Variants in NEO1 observed in about 807,000 individuals in gnomAD.
NEO1 encodes neogenin 1.
Under a neutral mutation model 159.7 loss-of-function variants are expected in NEO1, and 63 were observed. That is an observed-to-expected ratio of 0.39 (90% CI 0.32 to 0.49). The LOEUF (loss-of-function observed/expected upper bound fraction) is 0.49, where lower values mean the gene tolerates loss of function less well. Among genes scored for constraint, NEO1 ranks in the 20% least tolerant of loss-of-function variants. NEO1 has a pLI of 0.85. For synonymous variants in NEO1, 633 were observed against 662.0 expected (o/e 0.96, Z 0.67); for missense variants, 1,615 against 1,831.0 (o/e 0.88, Z 2.15).
chr15:73,296,631 A>G (rs1183847554), intron 26 of NEO1, among the ~76,000 whole-genome samples: 3 of 152,160 alleles, frequency 2.0e-5, no homozygotes, highest in Non-Finnish European at 4.4e-5. Flanking sequence ...CATGCTTTAC[A>G]GTATCCCCAT....
intron 7 of NEO1, among the ~76,000 whole-genome samples, chr15:73,190,190 T>G (rs1487375920): frequency 6.6e-6 from 1 of 152,078 alleles, no homozygotes; most frequent in Non-Finnish European, 1.5e-5. Context: ...TGTCTGTATC[T>G]TTTGTCCATT....
At chr15:73,265,390 A>G (rs2040838294) in intron 15 of NEO1, among the ~76,000 whole-genome samples, 1 of 152,314 alleles carries the variant, frequency 6.6e-6, no homozygotes, top group African/African-American at 2.4e-5. Flanking sequence ...CAAACAGACA[A>G]TTGAACATAA....
intron 26 of NEO1, among the ~76,000 whole-genome samples, chr15:73,294,837 G>T (rs1283928372): frequency 6.6e-6 from 1 of 151,878 alleles, no homozygotes; most frequent in Non-Finnish European, 1.5e-5. Context: ...ACCGCGCCCG[G>T]TCCCCATTCT....
intron 5 of NEO1, among the ~76,000 whole-genome samples, chr15:73,167,018 C>T (rs1019023637): frequency 3.3e-5 from 5 of 150,814 alleles, no homozygotes; most frequent in Admixed American, 2.0e-4. Context: ...AGCAAACTAT[C>T]GCAAGGACAA....
At chr15:73,067,806 C>T (rs1274890467) in intron 1 of NEO1, among the ~76,000 whole-genome samples, 7 of 151,844 alleles carry the variant, frequency 4.6e-5, no homozygotes, top group South Asian at 2.1e-4. Context: ...TTAGTAGAGA[C>T]GGGGTTTCAC....
chr15:73,301,637 C>A, intron 28 of NEO1, 180 bp downstream of exon 28: 2 of 795,516 alleles, frequency 2.5e-6, no homozygotes, highest in East Asian at 2.7e-5. Context: ...GGGAACTGTG[C>A]TGAGGACTTG....
chr15:73,142,938 A>G (rs2032543190), intron 5 of NEO1, among the ~76,000 whole-genome samples: 1 of 152,240 alleles, frequency 6.6e-6, no homozygotes, highest in African/African-American at 2.4e-5. Flanking sequence ...TGGAAACTAG[A>G]TCGAAAAGAC....
At chr15:73,176,761 G>C (rs554676236) in intron 6 of NEO1, among the ~76,000 whole-genome samples, 5 of 152,268 alleles carry the variant, frequency 3.3e-5, no homozygotes, top group Non-Finnish European at 7.4e-5. Flanking sequence ...AGATCACATA[G>C]CAAGTCAGTG....
At position 73,282,944 on chromosome 15, in the gene NEO1, T is replaced by G; in HGVS notation, c.3263-20T>G. ...TTAAATTCTCTAACCCTAACACATG[T>G]ACCATTTCTCTCTCTGCAGGCAGTA... On this transcript the variant is annotated intron_variant, in intron 22 of 28. Coordinates refer to ENST00000261908, the MANE Select transcript of NEO1 (RefSeq NM_002499.4). 6.2e-7 allele frequency: 1 copy of G among 1,612,114 alleles called. No individual in the cohort carries two copies. Among genetic ancestry groups the G allele is most frequent in the South Asian group, 1.1e-5 (1 of 90,650 alleles).
chr15:73,147,654 T>C (rs1157658043), intron 5 of NEO1, among the ~76,000 whole-genome samples: 1 of 152,174 alleles, frequency 6.6e-6, no homozygotes, highest in Non-Finnish European at 1.5e-5. Context: ...TTGACTATCA[T>C]TGTTGGCATT....
chr15:73,185,200 G>A (rs952113149), intron 7 of NEO1, among the ~76,000 whole-genome samples: 1 of 152,106 alleles, frequency 6.6e-6, no homozygotes, highest in Non-Finnish European at 1.5e-5. Context: ...GATACTATAG[G>A]GGAGGATACG....
At position 73,052,638 on chromosome 15, in the gene NEO1, C is replaced by T; in HGVS notation, c.-38C>T. On this transcript the variant is annotated 5_prime_UTR_variant, in exon 1 of 29. Coordinates refer to ENST00000261908, the MANE Select transcript of NEO1 (RefSeq NM_002499.4). ...AGGGAAGGAGGCAAGGGCTCCGCGGCGCTGTCGCCGCCGCTGCCGCTCACT... is the reference window on the plus strand; with the variant it reads ...AGGGAAGGAGGCAAGGGCTCCGCGGTGCTGTCGCCGCCGCTGCCGCTCACT... The T allele has an allele frequency of 8.2e-7, 1 of 1,218,676 alleles. No individual in the cohort carries two copies. Among genetic ancestry groups the T allele is most frequent in the Non-Finnish European group, 1.0e-6 (1 of 972,754 alleles). 75.5% of individuals were successfully genotyped at this position (1,218,676 alleles called of 1,614,324 possible).
intron 23 of NEO1, among the ~76,000 whole-genome samples, chr15:73,284,964 T>C (rs1315374469): frequency 6.6e-6 from 1 of 152,200 alleles, no homozygotes; most frequent in Non-Finnish European, 1.5e-5. Context: ...TCTAGAACTT[T>C]TCTTCAAGCC....
intron 1 of NEO1, among the ~76,000 whole-genome samples, chr15:73,054,263 G>A (rs2067599370): frequency 6.6e-6 from 1 of 152,166 alleles, no homozygotes; most frequent in South Asian, 2.1e-4. Context: ...CAAATTTCAA[G>A]TTTTTGTTTA....
At chr15:73,253,311 T>A in intron 11 of NEO1, 89 bp from the exon 12 acceptor site, 1 of 697,244 alleles carries the variant, frequency 1.4e-6, no homozygotes, top group Non-Finnish European at 2.3e-6. Context: ...GAGATGTGCA[T>A]TTGTTTAAAG....
chr15:73,066,105 C>T (rs1231794164), intron 1 of NEO1, among the ~76,000 whole-genome samples: 2 of 148,682 alleles, frequency 1.3e-5, no homozygotes, highest in African/African-American at 4.9e-5. Flanking sequence ...GATCTTGGCT[C>T]ACTGCAGGTT....
At chr15:73,181,788 AC>A (rs935133943) in intron 7 of NEO1, among the ~76,000 whole-genome samples, 2 of 152,172 alleles carry the variant, frequency 1.3e-5, no homozygotes, top group African/African-American at 4.8e-5. Flanking sequence ...TTGGGCAGGG[AC>A]AAATATCCAG....
At chr15:73,254,319 G>A (rs1020025092) in intron 12 of NEO1, among the ~76,000 whole-genome samples, 23 of 151,956 alleles carry the variant, frequency 1.5e-4, no homozygotes, top group Admixed American at 1.1e-3. Context: ...CACTGGACAC[G>A]GGAAAGAATC....
intron 25 of NEO1, among the ~76,000 whole-genome samples, chr15:73,290,189 A>G (rs1483416402): frequency 7.4e-6 from 1 of 134,960 alleles, no homozygotes; most frequent in Non-Finnish European, 1.6e-5. Flanking sequence ...AGTAGACTTT[A>G]TATTTTAGAA....
Sources: allele counts gnomAD v4.1 joint callset (sites outside exome capture counted in the v4.1 genomes callset), GRCh38; gene constraint gnomAD v4.1.1; transcripts MANE v1.5; gene names NCBI Gene and HGNC (gene_info 2026-07-23, HGNC 2026-07-21).